GRM7: variants seen among roughly 807,000 people sequenced by gnomAD.
The protein encoded by GRM7 is metabotropic glutamate receptor 7.
A neutral mutation model predicts 84.5 loss-of-function variants in GRM7; 35 were observed. The observed-to-expected ratio is 0.41, with a 90% CI of 0.32 to 0.55. The LOEUF is 0.55. Ranked by LOEUF, GRM7 falls within the 20% of genes least tolerant of loss-of-function variation. The pLI is 0.19. For missense variants in GRM7, 1,003 were observed against 1,194.6 expected, an observed-to-expected ratio of 0.84 and a Z score of 2.36; for synonymous variants, 487 against 455.1, an observed-to-expected ratio of 1.07 and a Z score of -0.89.
At chr3:7,320,802 A>AT (rs1700751476) in intron 4 of GRM7, among the ~76,000 whole-genome samples, 1 of 151,250 alleles carries the variant, frequency 6.6e-6, no homozygotes, top group South Asian at 2.1e-4. Context: ...TTGCTGTGTA[A>AT]TATTCCATTG....
intron 3 of GRM7, among the ~76,000 whole-genome samples, chr3:7,301,197 C>T (rs368538589): frequency 3.3e-5 from 5 of 152,074 alleles, no homozygotes; most frequent in East Asian, 1.9e-4. Context: ...GTCTAACTTA[C>T]GTCTCTTCTT....
At chr3:7,710,221 A>G (rs162794) in intron 9 of GRM7, among the ~76,000 whole-genome samples, 11,320 of 152,206 alleles carry the variant, frequency 0.074, 650 homozygotes, top group African/African-American at 0.16. Context: ...TTCAAAAAGT[A>G]CATTAGATAT....
chr3:6,875,699 A>G (rs2124951046), intron 1 of GRM7, among the ~76,000 whole-genome samples: 1 of 152,234 alleles, frequency 6.6e-6, no homozygotes, highest in Non-Finnish European at 1.5e-5. Flanking sequence ...TAGCTTATTG[A>G]TTATGTCGTT....
rs757092015 is a variant in GRM7 at position 7,452,726 on chromosome 3, G to C, written c.1294G>C (p.Asp432His). The C allele has an allele frequency of 6.2e-7, 1 of 1,613,452 alleles. No homozygotes were observed. Among genetic ancestry groups the C allele is most frequent in the Non-Finnish European group, 8.5e-7 (1 of 1,179,586 alleles). The change falls in exon 6 of 10, where the codon GAC becomes CAC. Residue 432 changes from aspartate to histidine, a missense_variant. By Grantham distance (81) the Asp-to-His change is moderately conservative (BLOSUM62 -1). Transcript: ENST00000357716. ...CCACATGAACAAGGATCTCTGTGCT[G>C]ACTACCGGGGTGTCTGCCCAGAGAT... ...LHHMNKDLCADYRGVCPEMEQ... is the reference protein window; with the variant it reads ...LHHMNKDLCAHYRGVCPEMEQ...
intron 7 of GRM7, among the ~76,000 whole-genome samples, chr3:7,531,605 C>A (rs1198375188): frequency 1.3e-5 from 2 of 151,716 alleles, no homozygotes; most frequent in African/African-American, 4.8e-5. Context: ...TGATTTGGCT[C>A]TCTATTTTAG....
intron 3 of GRM7, among the ~76,000 whole-genome samples, chr3:7,304,169 G>A (rs565124236): frequency 6.6e-5 from 10 of 152,010 alleles, no homozygotes; most frequent in South Asian, 2.1e-4. Flanking sequence ...TTCTAATTGC[G>A]GAGGGAAAAA....
chr3:6,885,452 AT>A (rs1695654077), intron 1 of GRM7, among the ~76,000 whole-genome samples: 1 of 152,192 alleles, frequency 6.6e-6, no homozygotes, highest in Non-Finnish European at 1.5e-5. Context: ...GGGTATTGCC[AT>A]GGCAATGATA....
intron 2 of GRM7, among the ~76,000 whole-genome samples, chr3:7,168,478 T>C (rs1694878206): frequency 6.6e-6 from 1 of 152,140 alleles, no homozygotes; most frequent in African/African-American, 2.4e-5. Context: ...CTTTCCACCA[T>C]GCAAGGTACA....
At chr3:7,257,895 G>T (rs111922261) in intron 2 of GRM7, among the ~76,000 whole-genome samples, 1 of 152,022 alleles carries the variant, frequency 6.6e-6, no homozygotes, top group Non-Finnish European at 1.5e-5. Flanking sequence ...TGGGTGATTA[G>T]CCTCAAGAAA....
intron 2 of GRM7, among the ~76,000 whole-genome samples, chr3:7,215,026 A>G (rs1044434063): frequency 1.3e-5 from 2 of 152,188 alleles, no homozygotes; most frequent in Non-Finnish European, 2.9e-5. Context: ...ATGAAATCAT[A>G]TACTTGTTAT....
At chr3:7,144,007 T>C (rs1694031491) in intron 1 of GRM7, among the ~76,000 whole-genome samples, 1 of 152,152 alleles carries the variant, frequency 6.6e-6, no homozygotes, top group African/African-American at 2.4e-5. Context: ...ACTCATTCTA[T>C]AAAGATATTT....
At chr3:7,353,483 A>C (rs6781406) in intron 4 of GRM7, among the ~76,000 whole-genome samples, 14,908 of 152,074 alleles carry the variant, frequency 0.098, 805 homozygotes, top group African/African-American at 0.15. Flanking sequence ...CATGGATCAA[A>C]AGATGTCCCA....
At chr3:7,349,762 A>G (rs1021803880) in intron 4 of GRM7, among the ~76,000 whole-genome samples, 8 of 152,140 alleles carry the variant, frequency 5.3e-5, no homozygotes, top group African/African-American at 1.9e-4. Flanking sequence ...TGCATATGTA[A>G]TTGTCAAGGG....
At chr3:7,190,279 T>G (rs141394393) in intron 2 of GRM7, among the ~76,000 whole-genome samples, 196 of 152,310 alleles carry the variant, frequency 1.3e-3, no homozygotes, top group African/African-American at 4.3e-3. Context: ...GCATTCATTT[T>G]ATATTAGTAA....
intron 2 of GRM7, among the ~76,000 whole-genome samples, chr3:7,214,151 G>C (rs1440931977): frequency 6.6e-6 from 1 of 151,056 alleles, no homozygotes; most frequent in Non-Finnish European, 1.5e-5. Flanking sequence ...GATGATTCTT[G>C]GGGATAAGAA....
At chr3:7,062,887 G>T (rs909603052) in intron 1 of GRM7, among the ~76,000 whole-genome samples, 1 of 151,716 alleles carries the variant, frequency 6.6e-6, no homozygotes, top group Non-Finnish European at 1.5e-5. Flanking sequence ...CAGAGGAGTA[G>T]CTTATCCTTG....
At chr3:7,220,625 A>G (rs1430197770) in intron 2 of GRM7, among the ~76,000 whole-genome samples, 3 of 152,180 alleles carry the variant, frequency 2.0e-5, no homozygotes, top group Admixed American at 2.0e-4. Flanking sequence ...AGAAATACCA[A>G]TAAAGTATGA....
chr3:7,328,820 T>C (rs1351483828), intron 4 of GRM7, among the ~76,000 whole-genome samples: 5 of 152,052 alleles, frequency 3.3e-5, no homozygotes, highest in Non-Finnish European at 5.9e-5. Flanking sequence ...ATTTCTGTGG[T>C]GCCCAGGGCC....
At chr3:7,255,762 C>T (rs1698171889) in intron 2 of GRM7, among the ~76,000 whole-genome samples, 1 of 152,158 alleles carries the variant, frequency 6.6e-6, no homozygotes, top group Non-Finnish European at 1.5e-5. Context: ...TTATAATTGA[C>T]ACGAATTCTA....
Sources: gnomAD v4.1 joint callset for allele counts (sites outside exome capture counted in the v4.1 genomes callset) on GRCh38, gnomAD v4.1.1 for gene constraint, MANE v1.5 for transcripts, NCBI Gene and HGNC (gene_info 2026-07-23, HGNC 2026-07-21) for gene names.